Variants in NLRP8 observed in about 807,000 individuals in gnomAD.
NLRP8 encodes NACHT, LRR and PYD domains-containing protein 8.
In NLRP8, 86 loss-of-function variants were observed where a neutral mutation model predicts 88.7. The ratio of observed to expected loss-of-function variants is 0.97; its 90% CI spans 0.81 to 1.16. NLRP8 has a LOEUF of 1.16. NLRP8 is among the 50% of genes most tolerant of loss of function. The pLI is 0.00. For missense variants in NLRP8, 1,342 were observed against 1,286.5 expected (o/e 1.04, Z -0.66); for synonymous variants, 504 against 494.6 (o/e 1.02, Z -0.25).
intron 8 of NLRP8, among the ~76,000 whole-genome samples, chr19:55,976,793 C>CATATATATGCATATATATGTAT (rs1568468249): frequency 4.3e-5 from 1 of 23,486 alleles, no homozygotes; most frequent in Non-Finnish European, 9.0e-5. Flanking sequence ...TATAAAGATA[C>CATATATATGCATATATATGTAT]ATGTGGCCAG....
At position 55,986,464 on chromosome 19, in the gene NLRP8, T is replaced by C. The variant is rs777254025; in HGVS notation, c.3048-1350T>C. On this transcript the variant is annotated intron_variant, in intron 9 of 9. Coordinates refer to ENST00000291971, the MANE Select transcript of NLRP8 (RefSeq NM_176811.2). The stretch of plus-strand genomic sequence containing the variant: ...TGCACTCTCTCTCTCACACACACAC[T>C]CTCTCACATACACACACACACACAC... Among the ~76,000 whole-genome samples, 9 of 30,800 alleles carry C rather than the reference T, an allele frequency of 2.9e-4. No homozygotes were observed. In the East Asian group the frequency reaches 5.3e-3, roughly 18 times the overall value. 20.2% of individuals were successfully genotyped at this position (30,800 alleles called of 152,430 possible).
intron 1 of NLRP8, 148 bp downstream of exon 1, chr19:55,948,417 A>G (rs1978950092): frequency 1.2e-6 from 1 of 814,976 alleles, no homozygotes; most frequent in Non-Finnish European, 1.9e-6. Context: ...AAAGGCAAAG[A>G]CTGTCATACG....
chr19:55,973,643 C>G lies in NLRP8; in HGVS notation c.2535-9C>G, dbSNP rs541701186. On this transcript the variant is annotated splice_polypyrimidine_tract_variant and intron_variant, in intron 6 of 9. Transcript: ENST00000291971. ...TCCATTCAGTCATCTGTGTGCTTCTCTCCCATAGGATAGAGAACTGCAACC... is the reference window on the plus strand; with the variant it reads ...TCCATTCAGTCATCTGTGTGCTTCTGTCCCATAGGATAGAGAACTGCAACC... 1 of 1,590,932 alleles carries G rather than the reference C, an allele frequency of 6.3e-7. No homozygotes were observed. The highest frequency in any genetic ancestry group is 8.6e-7 in the Non-Finnish European group (1 of 1,164,446).
intron 2 of NLRP8, among the ~76,000 whole-genome samples, chr19:55,953,792 CTTTTTTTTT>C (rs35767678): frequency 2.2e-4 from 12 of 55,222 alleles, no homozygotes; most frequent in Non-Finnish European, 1.6e-4. Flanking sequence ...TGTGCCTGGC[CTTTTTTTTT>C]TTTTTTTTTT....
chr19:55,967,412 G>C (rs1979891082), intron 5 of NLRP8, among the ~76,000 whole-genome samples: 1 of 152,124 alleles, frequency 6.6e-6, no homozygotes, highest in Admixed American at 6.5e-5. Context: ...CAATTGTTTT[G>C]GTTTTTAGAT....
intron 1 of NLRP8, among the ~76,000 whole-genome samples, chr19:55,952,335 C>A (rs955326795): frequency 6.6e-6 from 1 of 152,102 alleles, no homozygotes; most frequent in African/African-American, 2.4e-5. Flanking sequence ...CATTGTAGAA[C>A]AACACCTTTT....
intron 5 of NLRP8, 42 bp downstream of exon 5, chr19:55,966,422 CG>C (rs1979846810): frequency 6.3e-7 from 1 of 1,593,804 alleles, no homozygotes; most frequent in East Asian, 2.2e-5. Context: ...CCGGGGTACC[CG>C]GATGGTCTTT....
intron 4 of NLRP8, among the ~76,000 whole-genome samples, chr19:55,963,853 C>A (rs956732641): frequency 6.6e-6 from 1 of 152,144 alleles, no homozygotes; most frequent in Admixed American, 6.6e-5. Flanking sequence ...TTGCAACCAG[C>A]CACTATTTTT....
chr19:55,986,004 A>G (rs951415437), intron 9 of NLRP8, among the ~76,000 whole-genome samples: 1 of 152,146 alleles, frequency 6.6e-6, no homozygotes, highest in Non-Finnish European at 1.5e-5. Flanking sequence ...ACATCAAAAA[A>G]AACTAAAAAT....
chr19:55,949,244 TTTTC>T lies in NLRP8; in HGVS notation c.367+977_367+980del, dbSNP rs1291442396. Among the ~76,000 whole-genome samples the T allele has an allele frequency of 2.0e-5, 3 of 152,160 alleles. No homozygotes were observed. The East Asian group carries it at 5.8e-4, about 29-fold the overall frequency. On this transcript the variant is annotated intron_variant, in intron 1 of 9. Coordinates refer to ENST00000291971, the MANE Select transcript of NLRP8 (RefSeq NM_176811.2). ...TTTATCATAGATCGGTATGTATTTT[TTTTC>T]TATTTTGAGATGGAGTCTTCATTCT...
chr19:55,984,045 C>G (rs1980691733), intron 9 of NLRP8, among the ~76,000 whole-genome samples: 1 of 152,052 alleles, frequency 6.6e-6, no homozygotes, highest in South Asian at 2.1e-4. Flanking sequence ...ACTATTACAA[C>G]TTTTATTTAA....
At chr19:55,953,656 C>T (rs1007740667) in intron 2 of NLRP8, among the ~76,000 whole-genome samples, 4 of 152,072 alleles carry the variant, frequency 2.6e-5, no homozygotes, top group Admixed American at 1.3e-4. Context: ...CATGCCACCA[C>T]GCCCAGCTAA....
At position 55,988,547 on chromosome 19, in the gene NLRP8, C is replaced by CT. The variant is rs1980981456; in HGVS notation, c.*636dup. 6.7e-6 allele frequency: 1 copy of CT among 149,356 alleles called. No individual in the cohort carries two copies. Among genetic ancestry groups the CT allele is most frequent in the African/African-American group, 2.5e-5 (1 of 40,358 alleles). 9.3% of individuals were successfully genotyped at this position (149,356 alleles called of 1,614,324 possible). On this transcript the variant is annotated 3_prime_UTR_variant, in exon 10 of 10. Transcript: ENST00000291971. ...CAAAGTCTTCATCGTCTTCTTGCTT[C>CT]TTCTACCTTTATTTATTCTCAGCTC...
intron 6 of NLRP8, among the ~76,000 whole-genome samples, 159 bp downstream of exon 6, chr19:55,970,855 G>T (rs1980046337): frequency 1.3e-5 from 2 of 151,932 alleles, no homozygotes; most frequent in African/African-American, 4.8e-5. Flanking sequence ...GGTCAATAAG[G>T]GTCCAGCCAA....
intron 3 of NLRP8, among the ~76,000 whole-genome samples, chr19:55,960,779 T>C (rs1979572152): frequency 6.6e-6 from 1 of 152,192 alleles, no homozygotes; most frequent in Admixed American, 6.5e-5. Flanking sequence ...ATCTCATGTG[T>C]CTTGGCAATG....
chr19:55,976,887 T>A (rs189125167), intron 8 of NLRP8, among the ~76,000 whole-genome samples: 1 of 150,132 alleles, frequency 6.7e-6, no homozygotes, highest in South Asian at 2.1e-4. Context: ...GAGACTATCC[T>A]GGCTAACACG....
intron 9 of NLRP8, among the ~76,000 whole-genome samples, chr19:55,983,411 C>T (rs1216527338): frequency 1.4e-5 from 2 of 139,410 alleles, no homozygotes; most frequent in African/African-American, 2.8e-5. Flanking sequence ...TTGCAGTGAG[C>T]CAAGATTTTG....
intron 3 of NLRP8, 108 bp downstream of exon 3, chr19:55,956,208 TA>T: frequency 8.7e-7 from 1 of 1,145,090 alleles, no homozygotes; most frequent in Non-Finnish European, 1.2e-6. Flanking sequence ...ATCTCTTTCC[TA>T]GCCTAGTTTG....
At chr19:55,957,367 G>A (rs962450866) in intron 3 of NLRP8, among the ~76,000 whole-genome samples, 1 of 152,060 alleles carries the variant, frequency 6.6e-6, no homozygotes, top group Non-Finnish European at 1.5e-5. Context: ...TTCTTTCCGT[G>A]TAAAAATATC....
Sources: gnomAD v4.1 joint callset for allele counts (sites outside exome capture counted in the v4.1 genomes callset) on GRCh38, gnomAD v4.1.1 for gene constraint, MANE v1.5 for transcripts, NCBI Gene and HGNC (gene_info 2026-07-23, HGNC 2026-07-21) for gene names.